Variants in DPP6 observed in about 807,000 individuals in gnomAD.
DPP6 encodes the protein A-type potassium channel modulatory protein DPP6.
A neutral mutation model predicts 122.6 loss-of-function variants in DPP6; 69 were observed. The observed-to-expected ratio is 0.56, with a 90% CI of 0.46 to 0.69. DPP6 has a LOEUF of 0.69. DPP6 is among the 30% of genes least tolerant of loss of function. The pLI, the probability that DPP6 is intolerant of heterozygous loss-of-function variation, is 0.00. For synonymous variants in DPP6, 418 were observed against 433.1 expected (o/e 0.97, Z 0.43); for missense variants, 928 against 1,116.9 (o/e 0.83, Z 2.41).
chr7:154,665,948 C>A (rs7783451), intron 6 of DPP6, among the ~76,000 whole-genome samples: 130,079 of 151,582 alleles, frequency 0.86, 56,132 homozygotes, highest in East Asian at 0.98. Context: ...AAAATTGATC[C>A]TCCAAACCCC....
intron 6 of DPP6, among the ~76,000 whole-genome samples, chr7:154,651,489 C>T (rs550546126): frequency 2.0e-5 from 3 of 152,214 alleles, no homozygotes; most frequent in South Asian, 2.1e-4. Flanking sequence ...GTGGGCTAAA[C>T]AAAACCCCAA....
At chr7:154,085,424 C>T (rs1315983267) in intron 1 of DPP6, among the ~76,000 whole-genome samples, 1 of 152,208 alleles carries the variant, frequency 6.6e-6, no homozygotes, top group South Asian at 2.1e-4. Context: ...GTCATTAATG[C>T]ATCTCGCCAA....
intron 5 of DPP6, among the ~76,000 whole-genome samples, chr7:154,582,729 C>T (rs996928128): frequency 6.6e-6 from 1 of 152,220 alleles, no homozygotes; most frequent in African/African-American, 2.4e-5. Context: ...CCCATGTCCT[C>T]CTCTGGTTCT....
intron 1 of DPP6, among the ~76,000 whole-genome samples, chr7:154,207,189 G>A (rs995538519): frequency 2.0e-5 from 3 of 152,200 alleles, no homozygotes; most frequent in Non-Finnish European, 4.4e-5. Flanking sequence ...ACTGTCTGGT[G>A]CTTTAAAATC....
At position 154,003,215 on chromosome 7, in the gene DPP6, C is replaced by T. The variant is rs866039251; in HGVS notation, c.51+115481C>T. ...TTGGTTCTTATCAACGTCGGTGACC[C>T]GCAGAACTCCTTACGAAGCAGTCTA... On this transcript the variant is annotated intron_variant, in intron 1 of 25. Coordinates refer to the DPP6 transcript ENST00000404039. Among the ~76,000 whole-genome samples the T allele has an allele frequency of 2.6e-5, 4 of 152,194 alleles. No homozygotes were observed. The South Asian group carries it at 6.2e-4, about 24-fold the overall frequency.
At chr7:154,773,848 G>A (rs555724647) in intron 10 of DPP6, among the ~76,000 whole-genome samples, 4 of 152,202 alleles carry the variant, frequency 2.6e-5, no homozygotes, top group East Asian at 3.9e-4. Context: ...GGTCTAGCTC[G>A]GGGATGGATG....
At chr7:153,763,377 G>GAAA in the DPP6 span, among the ~76,000 whole-genome samples, 62,771 of 128,238 alleles carry the variant, frequency 0.49, 15,315 homozygotes, top group East Asian at 0.65. Flanking sequence ...GTACAAGTAA[G>GAAA]AAAAAAAAAA....
chr7:154,119,997 C>T (rs1183939066), intron 1 of DPP6, among the ~76,000 whole-genome samples: 1 of 151,674 alleles, frequency 6.6e-6, no homozygotes, highest in Non-Finnish European at 1.5e-5. Flanking sequence ...ATGCTGTACC[C>T]CACTCGACAG....
At chr7:154,365,882 T>G (rs570753940) in intron 1 of DPP6, among the ~76,000 whole-genome samples, 1 of 139,630 alleles carries the variant, frequency 7.2e-6, no homozygotes, top group Non-Finnish European at 1.5e-5. Context: ...GGCGTGAACC[T>G]GGGAGGCGGA....
intron 5 of DPP6, among the ~76,000 whole-genome samples, chr7:154,613,701 A>C (rs4960598): frequency 0.4 from 60,657 of 150,640 alleles, 13,231 homozygotes; most frequent in East Asian, 0.64. Context: ...GAGTCACAAA[A>C]TAATCAATGG....
chr7:154,117,167 T>C (rs1807049346), intron 1 of DPP6, among the ~76,000 whole-genome samples: 1 of 152,204 alleles, frequency 6.6e-6, no homozygotes, highest in African/African-American at 2.4e-5. Flanking sequence ...CACTCTGTTA[T>C]TGTATCATTT....
At position 154,220,226 on chromosome 7, in the gene DPP6, T is replaced by TA. The variant is rs142252518; in HGVS notation, c.243+167167dup. On this transcript the variant is annotated intron_variant, in intron 1 of 25. Coordinates refer to ENST00000377770, the MANE Select transcript of DPP6 (RefSeq NM_130797.4). ...ATCCTTAATGGGATTAAGCCCCTTA[T>TA]AAAAGGGGCTTCAGAGAGCTGCCTG... is the stretch of plus-strand genomic sequence containing the variant. Among the ~76,000 whole-genome samples the TA allele has an allele frequency of 2.9e-3, 434 of 152,278 alleles. 3 individuals carry two copies. Among genetic ancestry groups the TA allele is most frequent in the African/African-American group, 1.0e-2 (415 of 41,562 alleles).
intron 1 of DPP6, among the ~76,000 whole-genome samples, chr7:154,202,771 C>A (rs1799240155): frequency 6.6e-6 from 1 of 152,188 alleles, no homozygotes; most frequent in Non-Finnish European, 1.5e-5. Context: ...TTTTAACATG[C>A]CTCCTTCCTT....
intron 1 of DPP6, among the ~76,000 whole-genome samples, chr7:154,174,420 G>C (rs1405921365): frequency 1.3e-5 from 2 of 152,230 alleles, no homozygotes; most frequent in Non-Finnish European, 2.9e-5. Context: ...GATCCACACA[G>C]CTGGAAACCA....
chr7:154,209,978 G>A (rs79083552), intron 1 of DPP6, among the ~76,000 whole-genome samples: 7,115 of 152,206 alleles, frequency 0.047, 554 homozygotes, highest in African/African-American at 0.16. Flanking sequence ...ACATCCAAGT[G>A]AGGAAGCTGC....
At chr7:153,989,182 TGTGA>T (rs1326030479) in intron 1 of DPP6, among the ~76,000 whole-genome samples, 5 of 133,674 alleles carry the variant, frequency 3.7e-5, no homozygotes, top group Middle Eastern at 3.5e-3. Context: ...CGGGAGAGGG[TGTGA>T]GTGTGAGTGG....
At chr7:154,064,075 G>A (rs1023354938) in intron 1 of DPP6, among the ~76,000 whole-genome samples, 15 of 152,130 alleles carry the variant, frequency 9.9e-5, no homozygotes, top group African/African-American at 3.4e-4. Context: ...TGATCAGAGT[G>A]GGGAAAAGCC....
intron 7 of DPP6, among the ~76,000 whole-genome samples, chr7:154,685,995 A>G (rs1427747985): frequency 6.6e-6 from 1 of 152,182 alleles, no homozygotes; most frequent in Non-Finnish European, 1.5e-5. Context: ...TGGGTTTCAG[A>G]CAGCAAGTCT....
intron 1 of DPP6, among the ~76,000 whole-genome samples, chr7:154,197,789 T>A (rs1798944385): frequency 6.6e-6 from 1 of 152,236 alleles, no homozygotes; most frequent in African/African-American, 2.4e-5. Context: ...TAATTTAGAA[T>A]GTCGTTGCTT....
Sources: allele counts gnomAD v4.1 joint callset (sites outside exome capture counted in the v4.1 genomes callset), GRCh38; gene constraint gnomAD v4.1.1; transcripts MANE v1.5; gene names NCBI Gene and HGNC (gene_info 2026-07-23, HGNC 2026-07-21).